CRIPT: variants seen among roughly 807,000 people sequenced by gnomAD.
The protein encoded by CRIPT is cysteine-rich PDZ-binding protein.
Under a neutral mutation model 16.6 loss-of-function variants are expected in CRIPT, and 20 were observed. That is an observed-to-expected ratio of 1.20 (90% CI 0.85 to 1.75). The LOEUF is 1.75. Ranked by LOEUF, CRIPT falls within the 40% of genes most tolerant of loss-of-function variation. The pLI, the probability that CRIPT is intolerant of heterozygous loss-of-function variation, is 0.00. For synonymous variants in CRIPT, 42 were observed against 37.0 expected (o/e 1.14, Z -0.49); for missense variants, 133 against 115.3 (o/e 1.15, Z -0.70).
At chr2:46,619,549 G>C (rs1012624268) in intron 2 of CRIPT, 78 bp from the exon 3 acceptor site, 1 of 961,646 alleles carries the variant, frequency 1.0e-6, no homozygotes, top group Non-Finnish European at 1.5e-6. Flanking sequence ...TTGGTAGAAA[G>C]TCAAGGAATG....
intron 3 of CRIPT, among the ~76,000 whole-genome samples, chr2:46,623,291 G>A (rs191271387): frequency 3.0e-4 from 45 of 152,266 alleles, no homozygotes; most frequent in African/African-American, 1.0e-3. Context: ...CTTTAAAGTA[G>A]AGCAAAAATT....
intron 2 of CRIPT, among the ~76,000 whole-genome samples, chr2:46,619,315 T>C (rs1670747969): frequency 6.6e-6 from 1 of 152,100 alleles, no homozygotes; most frequent in African/African-American, 2.4e-5. Flanking sequence ...AAATAAACAT[T>C]TTCATTATAT....
Position 46,627,441 on chromosome 2 carries a change from CT to C in CRIPT, c.*3229del, listed in dbSNP as rs371471601. The stretch of plus-strand genomic sequence containing the variant: ...ATAGCTTGAAGTCTTACATTTAAAT[CT>C]TTTTTTTTTTTTTTCCCCAAAGACA... On this transcript the variant is annotated 3_prime_UTR_variant, in exon 5 of 5. Coordinates refer to ENST00000238892, the MANE Select transcript of CRIPT (RefSeq NM_014171.6). 5.7e-3 allele frequency among the ~76,000 whole-genome samples: 802 copies of C among 141,742 alleles called. 3 individuals are homozygous for C. The highest frequency in any genetic ancestry group is 9.2e-3 in the African/African-American group (357 of 38,730). The allele number at this position is 141,742 out of a possible 152,430, so 93.0% of individuals were successfully genotyped here. A position where few individuals can be genotyped will look rare whatever the true frequency, so the allele number is the denominator to read the frequency against.
In CRIPT at chr2:46,627,885, T is replaced by C. The variant is rs1299719280; in HGVS notation, c.*3658T>C. On this transcript the variant is annotated 3_prime_UTR_variant, in exon 5 of 5. Coordinates refer to ENST00000238892, the MANE Select transcript of CRIPT (RefSeq NM_014171.6). The stretch of plus-strand genomic sequence containing the variant: ...TAGGGAATCCTTTCTCTGTTGCTTA[T>C]TTTTGTTAACTTTGTCAAAGGTCAG... Among the ~76,000 whole-genome samples the C allele has an allele frequency of 6.6e-6, 1 of 152,212 alleles. No homozygotes were observed. The highest frequency in any genetic ancestry group is 1.5e-5 in the Non-Finnish European group (1 of 68,042).
Position 46,624,292 on chromosome 2 carries a change from A to G in CRIPT, c.*65A>G. On this transcript the variant is annotated 3_prime_UTR_variant, in exon 5 of 5. Transcript: ENST00000238892. ...TTTCTGCCTTGAATTTTCAAGGCATAGATGTCAACTTACAGAATAACATGT... is the reference window on the plus strand; with the variant it reads ...TTTCTGCCTTGAATTTTCAAGGCATGGATGTCAACTTACAGAATAACATGT... 9.9e-7 allele frequency: 1 copy of G among 1,012,616 alleles called. No individual in the cohort carries two copies. The highest frequency in any genetic ancestry group is 1.4e-6 in the Non-Finnish European group (1 of 691,536). 62.7% of individuals were successfully genotyped at this position (1,012,616 alleles called of 1,614,324 possible).
rs893792585 is a variant in CRIPT, at chr2:46,629,611, G to A, written c.*5384G>A. ...ATCCTTCTATTTGGGTTTTTCTGAT[G>A]TTTCCTCATGGTTAGATTGGGGTAG... On this transcript the variant is annotated 3_prime_UTR_variant, in exon 5 of 5. Transcript: ENST00000238892. 1.4e-4 allele frequency among the ~76,000 whole-genome samples: 21 copies of A among 152,098 alleles called. No individual in the cohort carries two copies. The highest frequency in any genetic ancestry group is 5.1e-4 in the African/African-American group (21 of 41,414).
chr2:46,619,710 C>T, intron 3 of CRIPT, 29 bp downstream of exon 3: 1 of 1,558,276 alleles, frequency 6.4e-7, no homozygotes. Context: ...CGATGGGTCA[C>T]ATAAATTTCC....
Position 46,628,881 on chromosome 2 carries a change from C to T in CRIPT, c.*4654C>T, listed in dbSNP as rs1276674047. Among the ~76,000 whole-genome samples, 2 of 152,008 alleles carry T rather than the reference C, an allele frequency of 1.3e-5. No homozygotes were observed. The highest frequency in any genetic ancestry group is 6.6e-5 in the Admixed American group (1 of 15,244). ...ACAGAATTAAGGCCTTATGCCACAG[C>T]CAGAGTTGAAAAATGCAGAAAAAAA... On this transcript the variant is annotated 3_prime_UTR_variant, in exon 5 of 5. Coordinates refer to ENST00000238892, the MANE Select transcript of CRIPT (RefSeq NM_014171.6).
intron 3 of CRIPT, among the ~76,000 whole-genome samples, chr2:46,622,551 C>T (rs1021135939): frequency 6.6e-6 from 1 of 152,100 alleles, no homozygotes; most frequent in East Asian, 1.9e-4. Flanking sequence ...CAGTGGTTCA[C>T]GCCTGTGATC....
At chr2:46,623,011 G>A (rs34752561) in intron 3 of CRIPT, among the ~76,000 whole-genome samples, 33,883 of 151,778 alleles carry the variant, frequency 0.22, 4,600 homozygotes, top group Admixed American at 0.31. Context: ...TTAGGGGAAA[G>A]TATTTCTTTT....
chr2:46,619,061 G>T (rs1378290921), intron 2 of CRIPT, among the ~76,000 whole-genome samples: 2 of 152,082 alleles, frequency 1.3e-5, no homozygotes, highest in Non-Finnish European at 2.9e-5. Flanking sequence ...TTAAATGATT[G>T]TCAAGTGATG....
Position 46,626,973 on chromosome 2 carries a change from C to T in CRIPT, c.*2746C>T, listed in dbSNP as rs1468377749. Among the ~76,000 whole-genome samples the T allele has an allele frequency of 6.6e-6, 1 of 152,018 alleles. No homozygotes were observed. Among genetic ancestry groups the T allele is most frequent in the African/African-American group, 2.4e-5 (1 of 41,372 alleles). ...CCAGCCTCCTGAGTTGCTGGGATTA[C>T]AGGTGCCTGCCACCAAGCGTGGCTA... On this transcript the variant is annotated 3_prime_UTR_variant, in exon 5 of 5. Transcript: ENST00000238892.
At chr2:46,620,403 G>A (rs541987516) in intron 3 of CRIPT, among the ~76,000 whole-genome samples, 4 of 148,280 alleles carry the variant, frequency 2.7e-5, no homozygotes, top group African/African-American at 5.3e-5. Context: ...AGCCAGGATC[G>A]CACTACTGAT....
chr2:46,626,713 T>C lies in CRIPT; in HGVS notation c.*2486T>C, dbSNP rs928675439. Among the ~76,000 whole-genome samples the C allele has an allele frequency of 6.6e-6, 1 of 152,202 alleles. No individual in the cohort carries two copies. The highest frequency in any genetic ancestry group is 2.4e-5 in the African/African-American group (1 of 41,446). ...GTGGTTTTGATTTGCATTTATCTGATTAGTAATGTTGAGCATTTTTTCATG... is the reference window on the plus strand; with the variant it reads ...GTGGTTTTGATTTGCATTTATCTGACTAGTAATGTTGAGCATTTTTTCATG... On this transcript the variant is annotated 3_prime_UTR_variant, in exon 5 of 5. Coordinates refer to ENST00000238892, the MANE Select transcript of CRIPT (RefSeq NM_014171.6).
In CRIPT at chr2:46,627,671, C is replaced by T. The variant is rs1222518213; in HGVS notation, c.*3444C>T. Among the ~76,000 whole-genome samples the T allele has an allele frequency of 1.3e-5, 2 of 152,170 alleles. No homozygotes were observed. The highest frequency in any genetic ancestry group is 1.9e-4 in the East Asian group (1 of 5,184). On this transcript the variant is annotated 3_prime_UTR_variant, in exon 5 of 5. Transcript: ENST00000238892. Reference sequence around the variant, plus strand: ...TGTTGGCCAGGCTGGTCTTGAATTCCGAGCCTCAAGTGATCCACCCACCTC... The same window carrying T: ...TGTTGGCCAGGCTGGTCTTGAATTCTGAGCCTCAAGTGATCCACCCACCTC...
rs73926539 is a variant in CRIPT, at chr2:46,621,837, G to T, written c.138-1927G>T. 3.8e-3 allele frequency among the ~76,000 whole-genome samples: 584 copies of T among 152,222 alleles called. 4 individuals carry two copies. Among genetic ancestry groups the T allele is most frequent in the African/African-American group, 0.013 (554 of 41,532 alleles). On this transcript the variant is annotated intron_variant, in intron 3 of 4. Transcript: ENST00000238892. Reference sequence around the variant, plus strand: ...TATATATTATTGACTGACTTATTGAGGTCTTTGAGAACCATTCTGTTTTTA... The same window carrying T: ...TATATATTATTGACTGACTTATTGATGTCTTTGAGAACCATTCTGTTTTTA...
chr2:46,623,795 A>C lies in CRIPT; in HGVS notation c.169A>C (p.Thr57Pro), dbSNP rs780410895. The change falls in exon 4 of 5, where the codon ACT becomes CCT. Residue 57 changes from threonine (T) to proline (P), a missense_variant. Transcript: ENST00000238892. ...FDPYGKNKFS[T>P]CRICKSSVHQ... is the part of the protein sequence containing the mutation. Reference sequence around the variant, plus strand: ...TCCATATGGAAAGAATAAGTTCTCCACTTGTAGAATTTGTAAAAGTTCTGT... The same window carrying C: ...TCCATATGGAAAGAATAAGTTCTCCCCTTGTAGAATTTGTAAAAGTTCTGT... 6.2e-7 allele frequency: 1 copy of C among 1,608,582 alleles called. No homozygotes were observed. Among genetic ancestry groups the C allele is most frequent in the East Asian group, 2.2e-5 (1 of 44,516 alleles).
At chr2:46,619,054 A>G (rs1670741598) in intron 2 of CRIPT, among the ~76,000 whole-genome samples, 1 of 152,210 alleles carries the variant, frequency 6.6e-6, no homozygotes, top group African/African-American at 2.4e-5. Flanking sequence ...AAAATTATTA[A>G]ATGATTGTCA....
At chr2:46,622,927 A>G (rs959613497) in intron 3 of CRIPT, among the ~76,000 whole-genome samples, 1 of 151,990 alleles carries the variant, frequency 6.6e-6, no homozygotes, top group Non-Finnish European at 1.5e-5. Flanking sequence ...TATCTAGTAT[A>G]TGAGGATCAT....
Sources: allele counts gnomAD v4.1 joint callset (sites outside exome capture counted in the v4.1 genomes callset), GRCh38; gene constraint gnomAD v4.1.1; transcripts MANE v1.5; gene names NCBI Gene and HGNC (gene_info 2026-07-23, HGNC 2026-07-21).